The following SAMD4A variants were observed in gnomAD, a reference collection of about 807,000 sequenced individuals.
SAMD4A encodes the protein sterile alpha motif domain containing 4A.
A neutral mutation model predicts 81.3 loss-of-function variants in SAMD4A; 33 were observed. The ratio of observed to expected loss-of-function variants is 0.41; its 90% CI spans 0.31 to 0.54. SAMD4A has a LOEUF of 0.54. Among genes scored for constraint, SAMD4A ranks in the 20% least tolerant of loss-of-function variants. SAMD4A has a pLI of 0.37. For missense variants in SAMD4A, 854 were observed against 951.1 expected, an observed-to-expected ratio of 0.90 and a Z score of 1.34; for synonymous variants, 389 against 382.1, an observed-to-expected ratio of 1.02 and a Z score of -0.21.
At chr14:54,571,426 C>G (rs1169780731) in intron 2 of SAMD4A, among the ~76,000 whole-genome samples, 2 of 152,170 alleles carry the variant, frequency 1.3e-5, no homozygotes, top group African/African-American at 2.4e-5. Context: ...ACTAGCAGGT[C>G]ATTTGATACC....
chr14:54,590,226 C>T (rs907966864), intron 2 of SAMD4A, among the ~76,000 whole-genome samples: 2 of 152,172 alleles, frequency 1.3e-5, no homozygotes, highest in African/African-American at 4.8e-5. Flanking sequence ...TCATGGTTCA[C>T]GCCTGTAACC....
chr14:54,763,248 C>G (rs2139874565), intron 7 of SAMD4A, among the ~76,000 whole-genome samples: 1 of 151,932 alleles, frequency 6.6e-6, no homozygotes, highest in Non-Finnish European at 1.5e-5. Context: ...GACACGGTGG[C>G]TCATGCCTGT....
chr14:54,752,172 C>CAGCT (rs1315454187), intron 6 of SAMD4A, among the ~76,000 whole-genome samples: 2 of 152,228 alleles, frequency 1.3e-5, no homozygotes, highest in African/African-American at 4.8e-5. Flanking sequence ...AAGCAGTGAT[C>CAGCT]AGCTGCCTAC....
rs568287831 is a variant in SAMD4A, at chr14:54,658,130, C to T, written c.197-43932C>T. ...TTTGAGACCAGCCTGGCCAACATGG[C>T]GAAACCCCGTCACCACAAAAAAATA... On this transcript the variant is annotated intron_variant, in intron 2 of 12. Transcript: ENST00000554335. Among the ~76,000 whole-genome samples the T allele has an allele frequency of 8.1e-4, 124 of 152,190 alleles. 1 individual carries two copies. The highest frequency in any genetic ancestry group is 1.4e-3 in the Non-Finnish European group (93 of 68,006).
At chr14:54,763,841 G>A (rs2038468465) in intron 7 of SAMD4A, among the ~76,000 whole-genome samples, 1 of 152,198 alleles carries the variant, frequency 6.6e-6, no homozygotes, top group Admixed American at 6.5e-5. Context: ...GACTAACTCT[G>A]TTCCATCCTA....
intron 2 of SAMD4A, among the ~76,000 whole-genome samples, chr14:54,638,235 G>C (rs1407281246): frequency 6.6e-6 from 1 of 152,206 alleles, no homozygotes; most frequent in Admixed American, 6.5e-5. Context: ...ATGATTCATG[G>C]GGGACTGCAC....
At chr14:54,613,980 T>C (rs1259841109) in intron 2 of SAMD4A, among the ~76,000 whole-genome samples, 4 of 152,258 alleles carry the variant, frequency 2.6e-5, no homozygotes, top group Admixed American at 6.5e-5. Context: ...TTGTCAAGTT[T>C]TAGTGTCCGT....
At chr14:54,611,879 AAAAAAAAAAAAG>A (rs1246301382) in intron 2 of SAMD4A, among the ~76,000 whole-genome samples, 27 of 151,754 alleles carry the variant, frequency 1.8e-4, no homozygotes, top group Admixed American at 1.6e-3. Context: ...TCTGTCTAAA[AAAAAAAAAAAAG>A]AAAAAAGAAA....
chr14:54,629,640 A>ATC (rs1160236825), intron 2 of SAMD4A, among the ~76,000 whole-genome samples: 1 of 151,384 alleles, frequency 6.6e-6, no homozygotes, highest in East Asian at 1.9e-4. Context: ...TATTCTGGAG[A>ATC]TCTCTAAGTA....
At chr14:54,716,746 AT>A (rs1174128794) in intron 3 of SAMD4A, among the ~76,000 whole-genome samples, 1 of 152,098 alleles carries the variant, frequency 6.6e-6, no homozygotes, top group Non-Finnish European at 1.5e-5. Flanking sequence ...GTCTTCTCTG[AT>A]TGTATGTTGG....
rs34263162 is a variant in SAMD4A at position 54,737,561 on chromosome 14, T to TTTTTTTTTTTTTTTTTTG, written c.979+274_979+275insTTTTTTTTTTTTTTTTTG. ...CTCTCTCTTTTTTTTTTTTTTTTTT[T>TTTTTTTTTTTTTTTTTTG]GCATTGCAGTGACTTGTAGACCATT... is the stretch of plus-strand genomic sequence containing the variant. On this transcript the variant is annotated intron_variant, in intron 4 of 12. Coordinates refer to ENST00000554335, the MANE Select transcript of SAMD4A (RefSeq NM_015589.6). 1.1e-4 allele frequency among the ~76,000 whole-genome samples: 13 copies of TTTTTTTTTTTTTTTTTTG among 122,648 alleles called. 1 individual carries two copies. The highest frequency in any genetic ancestry group is 1.9e-4 in the Admixed American group (2 of 10,632). The allele number at this position is 122,648 out of a possible 152,430, so 80.5% of individuals were successfully genotyped here.
chr14:54,638,891 A>T (rs2035100066), intron 2 of SAMD4A, among the ~76,000 whole-genome samples: 1 of 152,192 alleles, frequency 6.6e-6, no homozygotes, highest in Non-Finnish European at 1.5e-5. Flanking sequence ...GCTATTTTAA[A>T]TGGTGTTGTT....
chr14:54,640,931 A>G (rs2035160057), intron 2 of SAMD4A, among the ~76,000 whole-genome samples: 1 of 152,106 alleles, frequency 6.6e-6, no homozygotes, highest in Non-Finnish European at 1.5e-5. Context: ...GGTCTTTCAC[A>G]CTAGGAGTTC....
Position 54,698,796 on chromosome 14 carries a change from C to T in SAMD4A, c.197-3266C>T, listed in dbSNP as rs535662961. Among the ~76,000 whole-genome samples, 36 of 152,348 alleles carry T rather than the reference C, an allele frequency of 2.4e-4. 1 individual carries two copies. Among genetic ancestry groups the T allele is most frequent in the Admixed American group, 1.7e-3 (26 of 15,308 alleles). On this transcript the variant is annotated intron_variant, in intron 2 of 12. Coordinates refer to ENST00000554335, the MANE Select transcript of SAMD4A (RefSeq NM_015589.6). ...AAAGGGACCGGGGCCAGCGGCCTCT[C>T]GTTTTCCTTCCTCTTTGCTATGCTT...
intron 2 of SAMD4A, among the ~76,000 whole-genome samples, chr14:54,638,931 G>A (rs2035100919): frequency 1.3e-5 from 2 of 152,128 alleles, no homozygotes; most frequent in South Asian, 4.1e-4. Context: ...AATTAAACAG[G>A]TTGGTTTTGC....
chr14:54,658,823 G>T (rs2035579589), intron 2 of SAMD4A, among the ~76,000 whole-genome samples: 2 of 152,178 alleles, frequency 1.3e-5, no homozygotes, highest in African/African-American at 4.8e-5. Context: ...CTCTTGCATA[G>T]CCTCGTATTA....
In SAMD4A at chr14:54,704,821, A is replaced by G. The variant is rs954358066; in HGVS notation, c.715+2241A>G. On this transcript the variant is annotated intron_variant, in intron 3 of 12. Transcript: ENST00000554335. ...AATAATATCTCTTTAAGAAAATGCG[A>G]ATGTCATTGCTGTACTCCTCTGTGT... Among the ~76,000 whole-genome samples, 33 of 152,202 alleles carry G rather than the reference A, an allele frequency of 2.2e-4. 1 individual carries two copies. Among genetic ancestry groups the G allele is most frequent in the African/African-American group, 8.0e-4 (33 of 41,450 alleles).
rs5808786 is a variant in SAMD4A at position 54,630,908 on chromosome 14, ATGTGTGTGTGTGTGTG to A, written c.196+62829_196+62844del. Among the ~76,000 whole-genome samples the A allele has an allele frequency of 5.7e-4, 83 of 144,378 alleles. 1 individual carries two copies. The highest frequency in any genetic ancestry group is 1.2e-3 in the African/African-American group (46 of 38,426). The allele number at this position is 144,378 out of a possible 152,430, so 94.7% of individuals were successfully genotyped here. A position where few individuals can be genotyped will look rare whatever the true frequency, so the allele number is the denominator to read the frequency against. On this transcript the variant is annotated intron_variant, in intron 2 of 12. Transcript: ENST00000554335. ...ACATATAATAAATCTTGTATTTTAT[ATGTGTGTGTGTGTGTG>A]TGTGTGTGTGTGTGTGTGTGTGTGT...
intron 2 of SAMD4A, among the ~76,000 whole-genome samples, chr14:54,595,084 G>A (rs866639815): frequency 7.2e-5 from 11 of 152,200 alleles, no homozygotes; most frequent in South Asian, 2.1e-4. Flanking sequence ...TGCCCCTGTC[G>A]TTCTTTGGTG....
Sources: allele counts gnomAD v4.1 joint callset (sites outside exome capture counted in the v4.1 genomes callset), GRCh38; gene constraint gnomAD v4.1.1; transcripts MANE v1.5; gene names NCBI Gene and HGNC (gene_info 2026-07-23, HGNC 2026-07-21).